Variants in ZNF148 observed in about 807,000 individuals in gnomAD.
The protein encoded by ZNF148 is zinc finger protein 148.
ZNF148 carries 7 observed loss-of-function variants against 67.7 expected under a neutral mutation model. The observed-to-expected ratio is 0.10, with a 90% confidence interval of 0.06 to 0.19. The LOEUF (loss-of-function observed/expected upper bound fraction) is 0.19. ZNF148 is among the 10% of genes least tolerant of loss of function. The pLI, the probability that ZNF148 is intolerant of heterozygous loss-of-function variation, is 1.00. For synonymous variants in ZNF148, 333 were observed against 330.7 expected (o/e 1.01, Z -0.08); for missense variants, 583 against 947.1 (o/e 0.62, Z 5.05).
At chr3:125,236,918 A>C (rs966961583) in intron 7 of ZNF148, among the ~76,000 whole-genome samples, 1 of 152,226 alleles carries the variant, frequency 6.6e-6, no homozygotes, top group Non-Finnish European at 1.5e-5. Context: ...TACAGAAAGG[A>C]AATATTGAAG....
intron 2 of ZNF148, among the ~76,000 whole-genome samples, chr3:125,330,465 C>CAAAAAAAAAAAAAAAA (rs200643048): frequency 3.4e-5 from 4 of 118,476 alleles, no homozygotes; most frequent in African/African-American, 1.6e-4. Context: ...AACCCTATCT[C>CAAAAAAAAAAAAAAAA]AAAAAAAAAA....
chr3:125,323,358 T>C lies in ZNF148; in HGVS notation c.-66A>G, dbSNP rs1359552286. Reference sequence around the variant, plus strand: ...CTTCAAGGAAAGGAATGCTGTAGAGTTGAAAAAGAAATCATGGTTGAGTTT... The same window carrying C: ...CTTCAAGGAAAGGAATGCTGTAGAGCTGAAAAAGAAATCATGGTTGAGTTT... On this transcript the variant is annotated 5_prime_UTR_variant, in exon 3 of 9. Coordinates refer to ENST00000360647, the MANE Select transcript of ZNF148 (RefSeq NM_021964.3). 23 of 693,748 alleles carry C rather than the reference T, an allele frequency of 3.3e-5. No individual in the cohort carries two copies. Among genetic ancestry groups the C allele is most frequent in the Non-Finnish European group, 2.6e-5 (10 of 382,174 alleles). The allele number at this position is 693,748 out of a possible 1,614,324, so 43.0% of individuals were successfully genotyped here.
At chr3:125,303,773 TGAA>T (rs975432488) in intron 4 of ZNF148, among the ~76,000 whole-genome samples, 5 of 152,012 alleles carry the variant, frequency 3.3e-5, no homozygotes, top group African/African-American at 9.7e-5. Flanking sequence ...TGAATCATCC[TGAA>T]ACCATCTCCA....
At chr3:125,299,614 G>GAACA (rs1939481277) in intron 4 of ZNF148, among the ~76,000 whole-genome samples, 1 of 152,194 alleles carries the variant, frequency 6.6e-6, no homozygotes, top group Non-Finnish European at 1.5e-5. Flanking sequence ...ACAACCTTAA[G>GAACA]AACAAGTGAG....
chr3:125,350,021 C>T (rs900617983), intron 1 of ZNF148, among the ~76,000 whole-genome samples: 1 of 152,150 alleles, frequency 6.6e-6, no homozygotes, highest in African/African-American at 2.4e-5. Flanking sequence ...ACCCTGTGTA[C>T]TGTTCATAGG....
chr3:125,345,447 T>C (rs969044367), intron 1 of ZNF148, among the ~76,000 whole-genome samples: 4 of 151,842 alleles, frequency 2.6e-5, no homozygotes, highest in African/African-American at 7.3e-5. Context: ...GAACCAGTAA[T>C]TGAATTACCA....
chr3:125,352,927 G>A, intron 1 of ZNF148, among the ~76,000 whole-genome samples: 1 of 152,112 alleles, frequency 6.6e-6, no homozygotes, highest in East Asian at 1.9e-4. Flanking sequence ...CTTATCAATG[G>A]AAGAGAATAC....
At chr3:125,307,665 G>T (rs1019560106) in intron 4 of ZNF148, among the ~76,000 whole-genome samples, 34 of 151,426 alleles carry the variant, frequency 2.2e-4, no homozygotes, top group African/African-American at 8.2e-4. Flanking sequence ...TCTTTTTTTT[G>T]AAACAGTCTC....
intron 7 of ZNF148, among the ~76,000 whole-genome samples, chr3:125,260,370 C>T (rs770222721): frequency 3.9e-5 from 6 of 151,926 alleles, no homozygotes; most frequent in South Asian, 2.1e-4. Flanking sequence ...TATGCCTGTC[C>T]ATCTATCATA....
chr3:125,317,662 T>TATATATATATATAGAGAGAG (rs752542874), intron 3 of ZNF148, among the ~76,000 whole-genome samples: 11 of 90,052 alleles, frequency 1.2e-4, no homozygotes, highest in South Asian at 3.8e-4. Flanking sequence ...TATATATATA[T>TATATATATATATAGAGAGAG]AGAGAGAGAG....
chr3:125,273,635 A>C (rs113011546), intron 7 of ZNF148, among the ~76,000 whole-genome samples: 2,261 of 152,158 alleles, frequency 0.015, 51 homozygotes, highest in African/African-American at 0.051. Flanking sequence ...CTAGGACTAA[A>C]GGCATGTGCC....
At chr3:125,324,125 T>C (rs970078729) in intron 2 of ZNF148, among the ~76,000 whole-genome samples, 2 of 152,032 alleles carry the variant, frequency 1.3e-5, no homozygotes, top group African/African-American at 2.4e-5. Flanking sequence ...GGCACATGTA[T>C]ACATATGTAA....
chr3:125,349,243 T>C (rs529375708), intron 1 of ZNF148, among the ~76,000 whole-genome samples: 9 of 152,190 alleles, frequency 5.9e-5, no homozygotes, highest in Admixed American at 3.3e-4. Flanking sequence ...TACATCAAAC[T>C]AAAAAGCTTC....
intron 1 of ZNF148, among the ~76,000 whole-genome samples, chr3:125,347,368 A>C (rs1941984193): frequency 6.6e-6 from 1 of 152,198 alleles, no homozygotes; most frequent in Non-Finnish European, 1.5e-5. Flanking sequence ...CAAAGGACCA[A>C]GAAAATCCAA....
At chr3:125,249,994 G>A (rs761012555) in intron 7 of ZNF148, among the ~76,000 whole-genome samples, 1 of 152,112 alleles carries the variant, frequency 6.6e-6, no homozygotes, top group Non-Finnish European at 1.5e-5. Flanking sequence ...AAACAGAGTA[G>A]AATAATAGTC....
At chr3:125,236,424 T>C (rs897235268) in intron 7 of ZNF148, among the ~76,000 whole-genome samples, 4 of 152,094 alleles carry the variant, frequency 2.6e-5, no homozygotes, top group African/African-American at 9.7e-5. Context: ...CAGTGGATTA[T>C]TAAGGGGAAA....
At chr3:125,315,151 A>G (rs1940425352) in intron 3 of ZNF148, 1 of 152,242 alleles carries the variant, frequency 6.6e-6, no homozygotes, top group South Asian at 2.1e-4. Context: ...CACATTTCTT[A>G]GAAAACAAAC....
At chr3:125,293,285 CTT>C (rs978507830) in intron 4 of ZNF148, among the ~76,000 whole-genome samples, 4 of 152,140 alleles carry the variant, frequency 2.6e-5, no homozygotes, top group Non-Finnish European at 5.9e-5. Context: ...CACTCAATCT[CTT>C]TTAATACAGA....
chr3:125,261,452 A>G (rs771475600), intron 7 of ZNF148, among the ~76,000 whole-genome samples: 3 of 152,212 alleles, frequency 2.0e-5, no homozygotes, highest in East Asian at 1.9e-4. Context: ...CGTAAGTACT[A>G]TGTATGAGAG....
Sources: allele counts gnomAD v4.1 joint callset (sites outside exome capture counted in the v4.1 genomes callset), GRCh38; gene constraint gnomAD v4.1.1; transcripts MANE v1.5; gene names NCBI Gene and HGNC (gene_info 2026-07-23, HGNC 2026-07-21).